Variants in H2AC1 observed in about 807,000 individuals in gnomAD.
H2AC1 encodes the protein histone H2A type 1-A.
For missense variants in H2AC1, 218 were observed against 173.8 expected, an observed-to-expected ratio of 1.25 and a Z score of -1.43; for synonymous variants, 145 against 70.0, an observed-to-expected ratio of 2.07 and a Z score of -5.35.
rs752396269 is a variant in H2AC1, at chr6:25,726,547, G to A, written c.-20C>T. On this transcript the variant is annotated 5_prime_UTR_variant, in exon 1 of 1. Transcript: ENST00000297012. Reference sequence around the variant, plus strand: ...AGACATCTCCTCGCATCAAATTGCAGCAACACGAGAACCACATTTCTAGGG... The same window carrying A: ...AGACATCTCCTCGCATCAAATTGCAACAACACGAGAACCACATTTCTAGGG... 42 of 1,593,270 alleles carry A rather than the reference G, an allele frequency of 2.6e-5. No individual in the cohort carries two copies. Among genetic ancestry groups the A allele is most frequent in the Non-Finnish European group, 3.3e-5 (38 of 1,166,916 alleles).
chr6:25,726,332 G>A lies in H2AC1; in HGVS notation c.196C>T (p.Leu66=), dbSNP rs765247096. ...LEYLTAEILE[L]AGNASRDNKK... ...TTATCGCGAGACGCATTGCCTGCCA[G>A]CTCAAGGATTTCTGCTGTGAGATAC... Residue 66 remains leucine, a synonymous_variant, in exon 1 of 1, where the codon CTG becomes TTG. Coordinates refer to ENST00000297012, the MANE Select transcript of H2AC1 (RefSeq NM_170745.3). 4 of 1,614,018 alleles carry A rather than the reference G, an allele frequency of 2.5e-6. No homozygotes were observed. Among genetic ancestry groups the A allele is most frequent in the East Asian group, 2.2e-5 (1 of 44,890 alleles).
chr6:25,726,103 G>T lies in H2AC1; in HGVS notation c.*29C>A, dbSNP rs761819890. The T allele has an allele frequency of 3.7e-5, 56 of 1,497,642 alleles. No homozygotes were observed. The highest frequency in any genetic ancestry group is 5.6e-5 in the African/African-American group (4 of 70,952). The allele number at this position is 1,497,642 out of a possible 1,614,324, so 92.8% of individuals were successfully genotyped here. A position where few individuals can be genotyped will look rare whatever the true frequency, so the allele number is the denominator to read the frequency against. ...AGAGCCTTTTGTTTTTTCTGACACA[G>T]AAGTCTTTTTACCAATGACAACCTT... On this transcript the variant is annotated 3_prime_UTR_variant, in exon 1 of 1. Coordinates refer to ENST00000297012, the MANE Select transcript of H2AC1 (RefSeq NM_170745.3).
Position 25,726,087 on chromosome 6 carries a change from T to A in H2AC1, c.*45A>T. The A allele has an allele frequency of 6.8e-7, 1 of 1,478,014 alleles. No homozygotes were observed. The allele number at this position is 1,478,014 out of a possible 1,614,324, so 91.6% of individuals were successfully genotyped here. ...GTAGGTGGCTCTGAAAAGAGCCTTT[T>A]GTTTTTTCTGACACAGAAGTCTTTT... On this transcript the variant is annotated 3_prime_UTR_variant, in exon 1 of 1. Transcript: ENST00000297012.
Position 25,726,472 on chromosome 6 carries a change from G to C in H2AC1, c.56C>G (p.Ser19Cys). 1 of 1,613,826 alleles carries C rather than the reference G, an allele frequency of 6.2e-7. No individual in the cohort carries two copies. Among genetic ancestry groups the C allele is most frequent in the Non-Finnish European group, 8.5e-7 (1 of 1,179,984 alleles). Residue 19 changes from serine to cysteine, a missense_variant, in exon 1 of 1, where the codon TCT (serine) becomes TGT (cysteine). Ser to Cys is a moderately radical substitution (Grantham distance 112). Transcript: ENST00000297012. The part of the protein sequence containing the change: ...GKARAKSKSR[S>C]SRAGLQFPVG... ...GGGAAACTGCAAACCCGCTCTAGAA[G>C]AGCGAGACTTAGACTTGGCGCGTGC...
Position 25,726,222 on chromosome 6 carries a change from G to T in H2AC1, c.306C>A (p.Thr102=). The change falls in exon 1 of 1, where the codon ACC becomes ACA. Residue 102 remains threonine (T), a synonymous_variant. Coordinates refer to ENST00000297012, the MANE Select transcript of H2AC1 (RefSeq NM_170745.3). The part of the protein sequence containing the change: ...EELNKLLGGV[T]IAQGGVLPNI... ...TAGGCAGGACTCCGCCCTGGGCAAT[G>T]GTCACGCCGCCCAAAAGCTTATTGA... The T allele has an allele frequency of 6.2e-7, 1 of 1,612,704 alleles. No homozygotes were observed. Among genetic ancestry groups the T allele is most frequent in the Non-Finnish European group, 8.5e-7 (1 of 1,178,956 alleles).
At position 25,726,122 on chromosome 6, in the gene H2AC1, C is replaced by CA; in HGVS notation, c.*9dup. 1 of 1,510,374 alleles carries CA rather than the reference C, an allele frequency of 6.6e-7. No homozygotes were observed. Among genetic ancestry groups the CA allele is most frequent in the Non-Finnish European group, 8.9e-7 (1 of 1,129,452 alleles). 93.6% of individuals were successfully genotyped at this position (1,510,374 alleles called of 1,614,324 possible). A position where few individuals can be genotyped will look rare whatever the true frequency, so the allele number is the denominator to read the frequency against. ...GACACAGAAGTCTTTTTACCAATGA[C>CA]AACCTTAAGTTACTTGCTTTGGGCT... On this transcript the variant is annotated 3_prime_UTR_variant, in exon 1 of 1. Coordinates refer to ENST00000297012, the MANE Select transcript of H2AC1 (RefSeq NM_170745.3).
Position 25,726,437 on chromosome 6 carries a change from T to TC in H2AC1, c.90dup (p.Ile31AspfsTer7), listed in dbSNP as rs759832625. Reference sequence around the variant, plus strand: ...TTTCCCTTACGAAGCAGACGATGGATCCGGCCTACGGGAAACTGCAAACCC... The same window carrying TC: ...TTTCCCTTACGAAGCAGACGATGGATCCCGGCCTACGGGAAACTGCAAACCC... On this transcript the variant is annotated frameshift_variant, in exon 1 of 1. Coordinates refer to ENST00000297012, the MANE Select transcript of H2AC1 (RefSeq NM_170745.3). LOFTEE classifies it low-confidence loss of function (END_TRUNC). 7 of 1,613,926 alleles carry TC rather than the reference T, an allele frequency of 4.3e-6. No homozygotes were observed. In the African/African-American group the frequency reaches 5.3e-5, roughly 12 times the overall value.
Position 25,726,216 on chromosome 6 carries a change from G to T in H2AC1, c.312C>A (p.Ala104=). The T allele has an allele frequency of 1.2e-6, 2 of 1,612,006 alleles. No individual in the cohort carries two copies. Among genetic ancestry groups the T allele is most frequent in the Non-Finnish European group, 1.7e-6 (2 of 1,178,482 alleles). ...GAATGTTAGGCAGGACTCCGCCCTG[G>T]GCAATGGTCACGCCGCCCAAAAGCT... ...LNKLLGGVTI[A]QGGVLPNIQA... is the part of the protein sequence containing the mutation. The change falls in exon 1 of 1, where the codon GCC becomes GCA. Residue 104 remains alanine, a synonymous_variant. Transcript: ENST00000297012.
At position 25,726,312 on chromosome 6, in the gene H2AC1, G is replaced by A. The variant is rs763406620; in HGVS notation, c.216C>T (p.Arg72=). The change falls in exon 1 of 1, where the codon CGC becomes CGT. Residue 72 remains arginine, a synonymous_variant. Transcript: ENST00000297012. ...EILELAGNAS[R]DNKKTRIIPR... ...GAATAATGCGAGTTTTTTTGTTATC[G>A]CGAGACGCATTGCCTGCCAGCTCAA... is the stretch of plus-strand genomic sequence containing the variant. 12 of 1,613,844 alleles carry A rather than the reference G, an allele frequency of 7.4e-6. No individual in the cohort carries two copies. The highest frequency in any genetic ancestry group is 4.0e-5 in the African/African-American group (3 of 74,852).
At position 25,726,127 on chromosome 6, in the gene H2AC1, T is replaced by G. The variant is rs201841051; in HGVS notation, c.*5A>C. ...AGAAGTCTTTTTACCAATGACAACCTTAAGTTACTTGCTTTGGGCTTTATG... is the reference window on the plus strand; with the variant it reads ...AGAAGTCTTTTTACCAATGACAACCGTAAGTTACTTGCTTTGGGCTTTATG... On this transcript the variant is annotated 3_prime_UTR_variant, in exon 1 of 1. Transcript: ENST00000297012. The G allele has an allele frequency of 1.8e-4, 269 of 1,522,396 alleles. No individual in the cohort carries two copies. Among genetic ancestry groups the G allele is most frequent in the South Asian group, 6.9e-4 (52 of 75,584 alleles). 94.3% of individuals were successfully genotyped at this position (1,522,396 alleles called of 1,614,324 possible).
chr6:25,726,126 C>CG lies in H2AC1; in HGVS notation c.*5_*6insC. On this transcript the variant is annotated 3_prime_UTR_variant, in exon 1 of 1. Coordinates refer to ENST00000297012, the MANE Select transcript of H2AC1 (RefSeq NM_170745.3). The stretch of plus-strand genomic sequence containing the variant: ...CAGAAGTCTTTTTACCAATGACAAC[C>CG]TTAAGTTACTTGCTTTGGGCTTTAT... The CG allele has an allele frequency of 6.6e-7, 1 of 1,520,622 alleles. No homozygotes were observed. The highest frequency in any genetic ancestry group is 8.8e-7 in the Non-Finnish European group (1 of 1,134,850). 94.2% of individuals were successfully genotyped at this position (1,520,622 alleles called of 1,614,324 possible).
Position 25,726,461 on chromosome 6 carries a change from C to G in H2AC1, c.67G>C (p.Gly23Arg), listed in dbSNP as rs748710924. 1 of 1,613,952 alleles carries G rather than the reference C, an allele frequency of 6.2e-7. No individual in the cohort carries two copies. Among genetic ancestry groups the G allele is most frequent in the South Asian group, 1.1e-5 (1 of 91,072 alleles). ...AKSKSRSSRA[G>R]LQFPVGRIHR... is the part of the protein sequence containing the mutation. ...ATCCGGCCTACGGGAAACTGCAAAC[C>G]CGCTCTAGAAGAGCGAGACTTAGAC... Residue 23 changes from glycine (G) to arginine (R), a missense_variant, in exon 1 of 1, where the codon GGT (glycine) becomes CGT (arginine). Gly to Arg is a moderately radical substitution (Grantham distance 125, BLOSUM62 -2). Coordinates refer to ENST00000297012, the MANE Select transcript of H2AC1 (RefSeq NM_170745.3).
rs191966362 is a variant in H2AC1, at chr6:25,726,333, C to T, written c.195G>A (p.Glu65=). 257 of 1,614,132 alleles carry T rather than the reference C, an allele frequency of 1.6e-4. 1 individual carries two copies. In the Admixed American group the frequency reaches 4.1e-3, roughly 26 times the overall value. The change falls in exon 1 of 1, where the codon GAG becomes GAA. Residue 65 remains glutamate, a synonymous_variant. Transcript: ENST00000297012. ...TATCGCGAGACGCATTGCCTGCCAG[C>T]TCAAGGATTTCTGCTGTGAGATACT... ...VLEYLTAEIL[E]LAGNASRDNK...
At position 25,726,240 on chromosome 6, in the gene H2AC1, C is replaced by T; in HGVS notation, c.288G>A (p.Lys96=). The T allele has an allele frequency of 1.2e-6, 2 of 1,613,872 alleles. No individual in the cohort carries two copies. Among genetic ancestry groups the T allele is most frequent in the African/African-American group, 1.3e-5 (1 of 75,050 alleles). The change falls in exon 1 of 1, where the codon AAG becomes AAA. Residue 96 remains lysine, a synonymous_variant. Coordinates refer to ENST00000297012, the MANE Select transcript of H2AC1 (RefSeq NM_170745.3). The part of the protein sequence containing the change: ...LAIRNDEELN[K]LLGGVTIAQG... ...GGGCAATGGTCACGCCGCCCAAAAG[C>T]TTATTGAGTTCCTCATCATTGCGGA...
Position 25,726,318 on chromosome 6 carries a change from C to T in H2AC1, c.210G>A (p.Ala70=), listed in dbSNP as rs187505332. ...TAEILELAGN[A]SRDNKKTRII... ...TGCGAGTTTTTTTGTTATCGCGAGA[C>T]GCATTGCCTGCCAGCTCAAGGATTT... is the stretch of plus-strand genomic sequence containing the variant. Residue 70 remains alanine (A), a synonymous_variant, in exon 1 of 1, where the codon GCG becomes GCA. Transcript: ENST00000297012. 2.6e-5 allele frequency: 42 copies of T among 1,613,980 alleles called. No individual in the cohort carries two copies. Among genetic ancestry groups the T allele is most frequent in the Admixed American group, 1.0e-4 (6 of 59,986 alleles).
Position 25,726,359 on chromosome 6 carries a change from C to CT in H2AC1, c.168dup (p.Glu57ArgfsTer9), listed in dbSNP as rs773104554. ...TCAAGGATTTCTGCTGTGAGATACT[C>CT]TAACACTGCCGCCAAATACACTGGT... On this transcript the variant is annotated frameshift_variant, in exon 1 of 1. Transcript: ENST00000297012. LOFTEE classifies it low-confidence loss of function (END_TRUNC). 43 of 1,614,076 alleles carry CT rather than the reference C, an allele frequency of 2.7e-5. No homozygotes were observed. The highest frequency in any genetic ancestry group is 1.6e-4 in the Middle Eastern group (1 of 6,084).
At position 25,726,492 on chromosome 6, in the gene H2AC1, G is replaced by GT; in HGVS notation, c.35_36insA (p.Ala13ArgfsTer4). ...TAGAAGAGCGAGACTTAGACTTGGC[G>GT]CGTGCTTTTCCTCCCTGCTTCCCTC... On this transcript the variant is annotated frameshift_variant, in exon 1 of 1. Transcript: ENST00000297012. LOFTEE classifies it low-confidence loss of function (END_TRUNC). The GT allele has an allele frequency of 1.9e-6, 3 of 1,612,166 alleles. No individual in the cohort carries two copies. The highest frequency in any genetic ancestry group is 2.5e-6 in the Non-Finnish European group (3 of 1,178,720).
chr6:25,726,067 T>A lies in H2AC1; in HGVS notation c.*65A>T. On this transcript the variant is annotated 3_prime_UTR_variant, in exon 1 of 1. Transcript: ENST00000297012. ...TACAGCCTTTTTCTGAGACGGTAGGTGGCTCTGAAAAGAGCCTTTTGTTTT... is the reference window on the plus strand; with the variant it reads ...TACAGCCTTTTTCTGAGACGGTAGGAGGCTCTGAAAAGAGCCTTTTGTTTT... The A allele has an allele frequency of 7.2e-7, 1 of 1,385,322 alleles. No homozygotes were observed. The highest frequency in any genetic ancestry group is 9.8e-7 in the Non-Finnish European group (1 of 1,021,182). 85.8% of individuals were successfully genotyped at this position (1,385,322 alleles called of 1,614,324 possible).
Position 25,726,077 on chromosome 6 carries a change from A to G in H2AC1, c.*55T>C, listed in dbSNP as rs1760227113. Reference sequence around the variant, plus strand: ...TTCTGAGACGGTAGGTGGCTCTGAAAAGAGCCTTTTGTTTTTTCTGACACA... The same window carrying G: ...TTCTGAGACGGTAGGTGGCTCTGAAGAGAGCCTTTTGTTTTTTCTGACACA... On this transcript the variant is annotated 3_prime_UTR_variant, in exon 1 of 1. Coordinates refer to ENST00000297012, the MANE Select transcript of H2AC1 (RefSeq NM_170745.3). 6 of 1,457,712 alleles carry G rather than the reference A, an allele frequency of 4.1e-6. No individual in the cohort carries two copies. Among genetic ancestry groups the G allele is most frequent in the Non-Finnish European group, 5.5e-6 (6 of 1,087,608 alleles). 90.3% of individuals were successfully genotyped at this position (1,457,712 alleles called of 1,614,324 possible).
Sources: gnomAD v4.1 joint callset for allele counts on GRCh38, gnomAD v4.1.1 for gene constraint, MANE v1.5 for transcripts, NCBI Gene and HGNC (gene_info 2026-07-23, HGNC 2026-07-21) for gene names.